CASK: variants seen among roughly 807,000 people sequenced by gnomAD.
CASK encodes the protein peripheral plasma membrane protein CASK.
Under a neutral mutation model 82.9 loss-of-function variants are expected in CASK, and 4 were observed. The observed-to-expected ratio is 0.05, with a 90% CI of 0.02 to 0.11. The LOEUF (loss-of-function observed/expected upper bound fraction) is 0.11. Among genes scored for constraint, CASK ranks in the 10% least tolerant of loss-of-function variants. The pLI is 1.00. For missense variants in CASK, 358 were observed against 720.9 expected (o/e 0.50, Z 5.76); for synonymous variants, 259 against 253.5 (o/e 1.02, Z -0.20).
At chrX:41,614,052 T>C (rs1358654785) in intron 11 of CASK, among the ~76,000 whole-genome samples, 1 of 112,521 alleles carries the variant, frequency 8.9e-6, no homozygotes, top group Non-Finnish European at 1.9e-5. Flanking sequence ...AGGTCTCATG[T>C]GCCCTTTACC....
intron 2 of CASK, among the ~76,000 whole-genome samples, chrX:41,800,652 C>T (rs1401842901): frequency 6.5e-5 from 7 of 108,077 alleles, no homozygotes; most frequent in Admixed American, 9.9e-5. Context: ...TCCCTCCCCC[C>T]TTCCCCCACC....
chrX:41,764,255 A>G (rs981067507), intron 3 of CASK, among the ~76,000 whole-genome samples: 5 of 107,438 alleles, frequency 4.7e-5, no homozygotes, highest in African/African-American at 1.4e-4. Context: ...GTGATTTTCT[A>G]TCTCTTCAGC....
chrX:41,886,592 T>C (rs2072053001), intron 1 of CASK, among the ~76,000 whole-genome samples: 1 of 111,921 alleles, frequency 8.9e-6, no homozygotes. Flanking sequence ...TATAAATTAA[T>C]GTGCCTAAAT....
At chrX:41,681,691 T>G (rs746242484) in intron 5 of CASK, among the ~76,000 whole-genome samples, 1 of 111,318 alleles carries the variant, frequency 9.0e-6, no homozygotes, top group Non-Finnish European at 1.9e-5. Context: ...AGTCATGACA[T>G]TACAAGAAAA....
chrX:41,708,246 G>A (rs1420837250), intron 5 of CASK, among the ~76,000 whole-genome samples: 7 of 111,423 alleles, frequency 6.3e-5, no homozygotes, highest in Non-Finnish European at 1.3e-4. Flanking sequence ...TTCATTAGGT[G>A]AAAATACTTT....
At chrX:41,881,701 G>A (rs1045131731) in intron 1 of CASK, among the ~76,000 whole-genome samples, 1 of 111,649 alleles carries the variant, frequency 9.0e-6, no homozygotes, top group Admixed American at 9.5e-5. Flanking sequence ...CTTCATATGT[G>A]CCAACTTACA....
intron 2 of CASK, among the ~76,000 whole-genome samples, chrX:41,796,535 A>C (rs1193893045): frequency 1.8e-5 from 2 of 112,177 alleles, no homozygotes; most frequent in Non-Finnish European, 3.8e-5. Context: ...TTGGGAAATC[A>C]CATATTTCGT....
chrX:41,586,004 T>C (rs966018445), intron 14 of CASK: 2 of 109,075 alleles, frequency 1.8e-5, no homozygotes, highest in African/African-American at 6.7e-5. Context: ...ACAAAAATTA[T>C]CCAGGTGTCG....
chrX:41,639,792 T>C (rs372301657), intron 8 of CASK, among the ~76,000 whole-genome samples: 17 of 111,802 alleles, frequency 1.5e-4, no homozygotes, highest in African/African-American at 4.5e-4. Flanking sequence ...TGTCACTTAG[T>C]TTGCATTTTC....
rs943701371 is a variant in CASK at position 41,840,550 on chromosome X, C to A, written c.172+12565G>T. Reference sequence around the variant, plus strand: ...CAAAGACAGGTTTACTTCTTTCCCCCCAATCTGTATAGCTTTCATTTCCTT... The same window carrying A: ...CAAAGACAGGTTTACTTCTTTCCCCACAATCTGTATAGCTTTCATTTCCTT... On this transcript the variant is annotated intron_variant, in intron 2 of 26. Coordinates refer to ENST00000378163, the MANE Select transcript of CASK (RefSeq NM_001367721.1). Among the ~76,000 whole-genome samples, 68 of 111,962 alleles carry A rather than the reference C, an allele frequency of 6.1e-4. 1 individual carries two copies. Among genetic ancestry groups the A allele is most frequent in the Admixed American group, 3.0e-3 (32 of 10,592 alleles).
At chrX:41,658,867 T>C (rs768988079) in intron 8 of CASK, among the ~76,000 whole-genome samples, 4 of 111,205 alleles carry the variant, frequency 3.6e-5, no homozygotes, top group South Asian at 3.8e-4. Flanking sequence ...ATAAATAAGA[T>C]TGTGATATTG....
chrX:41,658,699 A>G (rs982851061), intron 8 of CASK, among the ~76,000 whole-genome samples: 4 of 111,473 alleles, frequency 3.6e-5, no homozygotes, highest in Non-Finnish European at 5.7e-5. Context: ...TAGAAGGACA[A>G]CCAAGAGAGC....
At chrX:41,768,071 T>C (rs1423891355) in intron 3 of CASK, among the ~76,000 whole-genome samples, 2 of 111,893 alleles carry the variant, frequency 1.8e-5, no homozygotes, top group Non-Finnish European at 3.8e-5. Context: ...ATTTATTTTA[T>C]ACTTTGGATT....
Position 41,600,711 on chromosome X carries a change from G to A in CASK, c.1155+9193C>T, listed in dbSNP as rs1425607163. Among the ~76,000 whole-genome samples, 5 of 112,272 alleles carry A rather than the reference G, an allele frequency of 4.5e-5. No individual in the cohort carries two copies. The Admixed American group carries it at 4.7e-4, about 11-fold the overall frequency. On this transcript the variant is annotated intron_variant, in intron 12 of 26. Coordinates refer to ENST00000378163, the MANE Select transcript of CASK (RefSeq NM_001367721.1). ...CAGTGGAAATCACACATTCCTTCAC[G>A]AAGATGTATAGCATAAGATTTAACT...
chrX:41,613,148 A>G (rs2066129245), intron 11 of CASK, among the ~76,000 whole-genome samples: 1 of 112,292 alleles, frequency 8.9e-6, no homozygotes, highest in African/African-American at 3.2e-5. Context: ...CAGCTCATTG[A>G]GAACAGGCCA....
intron 15 of CASK, among the ~76,000 whole-genome samples, chrX:41,576,251 G>A (rs2065484334): frequency 9.0e-6 from 1 of 111,200 alleles, no homozygotes; most frequent in South Asian, 3.8e-4. Flanking sequence ...GGGATTACAG[G>A]TGTGAGCCAC....
At chrX:41,552,490 T>C (rs1299731663) in intron 21 of CASK, 9 of 111,573 alleles carry the variant, frequency 8.1e-5, no homozygotes, top group African/African-American at 2.9e-4. Flanking sequence ...TCTACACAAT[T>C]ATTTTCAATA....
intron 5 of CASK, chrX:41,696,975 T>C: frequency 3.0e-6 from 1 of 330,539 alleles, no homozygotes; most frequent in Non-Finnish European, 5.4e-6. Context: ...CTTTTCAAAA[T>C]ACATTTTTAA....
chrX:41,756,454 T>C (rs773155376), intron 3 of CASK, among the ~76,000 whole-genome samples: 118 of 112,167 alleles, frequency 1.1e-3, no homozygotes, highest in African/African-American at 3.7e-3. Context: ...GGGTATAGAA[T>C]ACTATATAGC....
Sources: allele counts gnomAD v4.1 joint callset (sites outside exome capture counted in the v4.1 genomes callset), GRCh38; gene constraint gnomAD v4.1.1; transcripts MANE v1.5; gene names NCBI Gene and HGNC (gene_info 2026-07-23, HGNC 2026-07-21).